Variants in FUT8 observed in about 807,000 individuals in gnomAD.
The protein encoded by FUT8 is fucosyltransferase 8.
Under a neutral mutation model 71.3 loss-of-function variants are expected in FUT8, and 29 were observed. The observed-to-expected ratio is 0.41, with a 90% CI of 0.30 to 0.55. The LOEUF (loss-of-function observed/expected upper bound fraction) is 0.55, where lower values mean the gene tolerates loss of function less well. FUT8 is among the 20% of genes least tolerant of loss of function. The pLI is 0.34. For synonymous variants in FUT8, 254 were observed against 239.3 expected (o/e 1.06, Z -0.57); for missense variants, 544 against 702.1 (o/e 0.77, Z 2.55).
chr14:65,390,653 C>T, the FUT8 span, among the ~76,000 whole-genome samples: 1 of 151,892 alleles, frequency 6.6e-6, no homozygotes, highest in Non-Finnish European at 1.5e-5. Context: ...AGGAGGCAAA[C>T]CACACCCACT....
chr14:65,439,791 G>A (rs1468370898), intron 1 of FUT8, among the ~76,000 whole-genome samples: 5 of 151,640 alleles, frequency 3.3e-5, no homozygotes, highest in South Asian at 2.1e-4. Context: ...AAACCATCAC[G>A]TAAGTGCTGA....
intron 2 of FUT8, among the ~76,000 whole-genome samples, chr14:65,531,690 G>A (rs1192203933): frequency 6.6e-6 from 1 of 152,072 alleles, no homozygotes; most frequent in East Asian, 1.9e-4. Context: ...GTTATGGGGG[G>A]TTTGACATAC....
chr14:65,643,708 A>C lies in FUT8; in HGVS notation c.597+14102A>C, dbSNP rs1282325678. 2.9e-5 allele frequency among the ~76,000 whole-genome samples: 4 copies of C among 137,366 alleles called. No homozygotes were observed. The highest frequency in any genetic ancestry group is 1.0e-4 in the African/African-American group (4 of 39,622). 90.1% of individuals were successfully genotyped at this position (137,366 alleles called of 152,430 possible). On this transcript the variant is annotated intron_variant, in intron 6 of 10. Transcript: ENST00000673929. This position sits in a 1 kb window ranked among gnomAD's most constrained non-coding sequence, Gnocchi z 4.5. ...CACACACACACACACACACACACACACACACACCAGATTCCATTCTAGATG... is the reference window on the plus strand; with the variant it reads ...CACACACACACACACACACACACACCCACACACCAGATTCCATTCTAGATG...
chr14:65,568,928 G>T (rs117012915), intron 3 of FUT8, among the ~76,000 whole-genome samples: 2 of 151,422 alleles, frequency 1.3e-5, no homozygotes, highest in African/African-American at 2.4e-5. Flanking sequence ...AGTATTTATA[G>T]TGCAGGTTTG....
intron 6 of FUT8, among the ~76,000 whole-genome samples, chr14:65,664,921 T>A (rs566106371): frequency 1.3e-5 from 2 of 152,060 alleles, no homozygotes; most frequent in East Asian, 3.9e-4. Flanking sequence ...TGCCTAGGAA[T>A]AATTTAGCAA....
At chr14:65,587,144 G>A (rs952964950) in intron 3 of FUT8, among the ~76,000 whole-genome samples, 4 of 150,700 alleles carry the variant, frequency 2.7e-5, no homozygotes, top group African/African-American at 7.3e-5. Context: ...AGCTGAAATC[G>A]TGCCACTGCA....
At chr14:65,553,678 A>G (rs1436680811) in intron 2 of FUT8, among the ~76,000 whole-genome samples, 1 of 150,312 alleles carries the variant, frequency 6.7e-6, no homozygotes, top group Admixed American at 6.7e-5. Flanking sequence ...CATTTTATCC[A>G]GTGAAAGGTA....
chr14:65,662,215 T>A (rs1303729520), intron 6 of FUT8, among the ~76,000 whole-genome samples: 1 of 151,960 alleles, frequency 6.6e-6, no homozygotes, highest in Admixed American at 6.6e-5. Flanking sequence ...CAGGTTCGGA[T>A]CAGCCTGGGC....
rs1340287676 is a variant in FUT8, at chr14:65,574,952, T to C, written c.203+13186T>C. On this transcript the variant is annotated intron_variant, in intron 3 of 10. Transcript: ENST00000673929. This position sits in a 1 kb window ranked among gnomAD's most constrained non-coding sequence, Gnocchi z 5.2. ...CGTTGATGTTGCAGGATTAATATTG[T>C]ATACTCTTTTTGTGGATGATGGCTT... Among the ~76,000 whole-genome samples, 1 of 152,188 alleles carries C rather than the reference T, an allele frequency of 6.6e-6. No individual in the cohort carries two copies. Among genetic ancestry groups the C allele is most frequent in the Non-Finnish European group, 1.5e-5 (1 of 68,028 alleles).
intron 6 of FUT8, among the ~76,000 whole-genome samples, chr14:65,635,647 C>G (rs149815562): frequency 9.2e-5 from 14 of 152,030 alleles, no homozygotes; most frequent in Admixed American, 2.6e-4. Context: ...TATTGACTTG[C>G]GTATATTAAA....
intron 2 of FUT8, among the ~76,000 whole-genome samples, chr14:65,521,591 AGT>A (rs1883084329): frequency 6.6e-6 from 1 of 152,214 alleles, no homozygotes; most frequent in Admixed American, 6.5e-5. Context: ...TATTCGGATA[AGT>A]GTGTTTCAGA....
intron 2 of FUT8, among the ~76,000 whole-genome samples, chr14:65,519,459 A>G (rs1882939193): frequency 6.6e-6 from 1 of 152,210 alleles, no homozygotes; most frequent in South Asian, 2.1e-4. Flanking sequence ...TGGTGGAGAA[A>G]TGATAACAAT....
intron 1 of FUT8, among the ~76,000 whole-genome samples, chr14:65,421,390 G>T (rs1486994206): frequency 6.6e-6 from 1 of 152,066 alleles, no homozygotes. Flanking sequence ...GGCGTGAGAG[G>T]CAGGCACACA....
Position 65,530,828 on chromosome 14 carries a change from TCTCC to T in FUT8, c.-227-30499_-227-30496del, listed in dbSNP as rs202086058. Among the ~76,000 whole-genome samples the T allele has an allele frequency of 5.5e-3, 826 of 150,464 alleles. 31 individuals carry two copies. The East Asian group carries it at 0.09, about 16-fold the overall frequency. On this transcript the variant is annotated intron_variant, in intron 2 of 10. Transcript: ENST00000673929. ...CTCTCGCTCTTTCTCTCTCTCTCTC[TCTCC>T]CTCCCTCCCCCTCTCTTCCTCTCTC...
intron 9 of FUT8, among the ~76,000 whole-genome samples, chr14:65,729,034 G>GTTTTTTTTTTTTTT (rs557668131): frequency 2.9e-5 from 3 of 103,664 alleles, no homozygotes; most frequent in East Asian, 2.9e-4. Flanking sequence ...TTGTAAACAT[G>GTTTTTTTTTTTTTT]TTTTTTTTTT....
chr14:65,672,690 G>T (rs1412721987), intron 7 of FUT8, among the ~76,000 whole-genome samples: 1 of 152,078 alleles, frequency 6.6e-6, no homozygotes, highest in Non-Finnish European at 1.5e-5. Flanking sequence ...CAAACTCCTG[G>T]CCTCAAGCAG....
At chr14:65,658,907 T>C (rs935466418) in intron 6 of FUT8, among the ~76,000 whole-genome samples, 1 of 152,096 alleles carries the variant, frequency 6.6e-6, no homozygotes, top group Non-Finnish European at 1.5e-5. Context: ...AAAAAGTCTG[T>C]AGTTAATAGT....
intron 2 of FUT8, among the ~76,000 whole-genome samples, chr14:65,545,253 T>C (rs551730266): frequency 3.9e-5 from 6 of 152,034 alleles, no homozygotes; most frequent in African/African-American, 1.4e-4. Context: ...TCTGTAACAA[T>C]ATTTAGTTAA....
intron 2 of FUT8, among the ~76,000 whole-genome samples, chr14:65,485,151 ACATAGTAATACTT>A (rs574365744): frequency 1.4e-3 from 217 of 152,170 alleles, no homozygotes; most frequent in Non-Finnish European, 2.3e-3. Context: ...ACCCTGGCCA[ACATAGTAATACTT>A]CGTCTCTATT....
Sources: allele counts gnomAD v4.1 joint callset (sites outside exome capture counted in the v4.1 genomes callset), GRCh38; gene constraint gnomAD v4.1.1; non-coding constraint Gnocchi (gnomAD v3.1); transcripts MANE v1.5; gene names NCBI Gene and HGNC (gene_info 2026-07-23, HGNC 2026-07-21).